TGFBRAP1: variants seen among roughly 807,000 people sequenced by gnomAD.
TGFBRAP1 encodes the protein transforming growth factor beta receptor associated protein 1.
In TGFBRAP1, 20 loss-of-function variants were observed where a neutral mutation model predicts 83.2. The observed-to-expected ratio is 0.24, with a 90% CI of 0.17 to 0.35. The LOEUF is 0.35. Among genes scored for constraint, TGFBRAP1 ranks in the 10% least tolerant of loss-of-function variants. TGFBRAP1 has a pLI of 1.00. For missense variants in TGFBRAP1, 950 were observed against 1,099.4 expected, an observed-to-expected ratio of 0.86 and a Z score of 1.92; for synonymous variants, 415 against 459.8, an observed-to-expected ratio of 0.90 and a Z score of 1.25.
At chr2:105,314,249 CTTTT>C (rs1198445714) in intron 1 of TGFBRAP1, among the ~76,000 whole-genome samples, 3 of 118,638 alleles carry the variant, frequency 2.5e-5, no homozygotes, top group Non-Finnish European at 5.0e-5. Flanking sequence ...AGTACTTTCT[CTTTT>C]TTTTTTTTTT....
At chr2:105,296,573 G>A (rs1043471845) in intron 3 of TGFBRAP1, 63 bp from the exon 4 acceptor site, 3 of 1,555,022 alleles carry the variant, frequency 1.9e-6, no homozygotes, top group Non-Finnish European at 2.6e-6. Context: ...AAAACACACT[G>A]CTTTCCCCAA....
chr2:105,297,982 C>A (rs1678139865), intron 3 of TGFBRAP1, among the ~76,000 whole-genome samples: 1 of 152,182 alleles, frequency 6.6e-6, no homozygotes, highest in Non-Finnish European at 1.5e-5. Flanking sequence ...GCTCACCATA[C>A]ACACGAAATG....
In TGFBRAP1 at chr2:105,307,570, G is replaced by A. The variant is rs13386654; in HGVS notation, c.688+44C>T. 7.1e-3 allele frequency: 11,008 copies of A among 1,552,664 alleles called. 499 individuals are homozygous for A. In the African/African-American group the frequency reaches 0.1, roughly 14 times the overall value. The stretch of plus-strand genomic sequence containing the variant: ...TCTCCAGTTTCAACACGCAGTCACC[G>A]AGGCCACCCAAAAAGATCAGGCGCA... On this transcript the variant is annotated intron_variant, in intron 2 of 11. Transcript: ENST00000393359.
At chr2:105,288,133 G>C (rs1677777887) in intron 4 of TGFBRAP1, among the ~76,000 whole-genome samples, 1 of 152,214 alleles carries the variant, frequency 6.6e-6, no homozygotes, top group South Asian at 2.1e-4. Context: ...GCTCAGACTA[G>C]AATATTTTTC....
At chr2:105,317,012 A>G (rs535638274) in intron 1 of TGFBRAP1, among the ~76,000 whole-genome samples, 1 of 152,240 alleles carries the variant, frequency 6.6e-6, no homozygotes, top group Admixed American at 6.5e-5. Flanking sequence ...TGGAAACTTG[A>G]AACCTGACTA....
At position 105,307,692 on chromosome 2, in the gene TGFBRAP1, A is replaced by C. The variant is rs751044206; in HGVS notation, c.610T>G (p.Tyr204Asp). 6.2e-7 allele frequency: 1 copy of C among 1,614,122 alleles called. No homozygotes were observed. Among genetic ancestry groups the C allele is most frequent in the Non-Finnish European group, 8.5e-7 (1 of 1,180,020 alleles). ...ATCGGCGGCCTCTCCTCACTGCAGTAGGGAAACAGGTCCTGGGAGACGCCT... is the reference window on the plus strand; with the variant it reads ...ATCGGCGGCCTCTCCTCACTGCAGTCGGGAAACAGGTCCTGGGAGACGCCT... ...STGVSQDLFP[Y>D]CSEERPPIVK... Residue 204 changes from tyrosine to aspartate, a missense_variant, in exon 2 of 12, where the codon TAC becomes GAC. By Grantham distance (160) the Tyr-to-Asp change is radical (BLOSUM62 -3). Coordinates refer to ENST00000393359, the MANE Select transcript of TGFBRAP1 (RefSeq NM_004257.6).
At chr2:105,300,612 T>C (rs1220852297) in intron 2 of TGFBRAP1, among the ~76,000 whole-genome samples, 2 of 151,892 alleles carry the variant, frequency 1.3e-5, no homozygotes, top group Admixed American at 1.3e-4. Flanking sequence ...AATTTTTGTA[T>C]TGTTAGTAGA....
chr2:105,290,653 G>GTGTA (rs1553404088), intron 4 of TGFBRAP1, among the ~76,000 whole-genome samples: 23 of 151,348 alleles, frequency 1.5e-4, no homozygotes, highest in African/African-American at 5.4e-4. Flanking sequence ...GTGTGTGTGT[G>GTGTA]TGTGTGAATT....
At chr2:105,322,768 A>G (rs1396400674) in intron 1 of TGFBRAP1, among the ~76,000 whole-genome samples, 2 of 152,206 alleles carry the variant, frequency 1.3e-5, no homozygotes, top group Non-Finnish European at 2.9e-5. Flanking sequence ...TGTTCATATG[A>G]TGACAAAATT....
intron 4 of TGFBRAP1, among the ~76,000 whole-genome samples, chr2:105,289,566 T>C (rs1353579182): frequency 6.6e-6 from 1 of 152,216 alleles, no homozygotes; most frequent in Non-Finnish European, 1.5e-5. Flanking sequence ...TAGCATGTTA[T>C]GCAGGCTCAC....
At chr2:105,276,623 G>A (rs186918064) in intron 7 of TGFBRAP1, among the ~76,000 whole-genome samples, 1 of 152,228 alleles carries the variant, frequency 6.6e-6, no homozygotes, top group East Asian at 1.9e-4. Context: ...CTTCAAGTTT[G>A]CAAATCTATC....
chr2:105,281,840 G>A (rs187400855), intron 5 of TGFBRAP1, among the ~76,000 whole-genome samples: 1 of 152,094 alleles, frequency 6.6e-6, no homozygotes, highest in Non-Finnish European at 1.5e-5. Flanking sequence ...TGGGGAACAT[G>A]TGGCAATGCC....
intron 2 of TGFBRAP1, among the ~76,000 whole-genome samples, chr2:105,302,673 A>G (rs1678340508): frequency 6.6e-6 from 1 of 152,226 alleles, no homozygotes; most frequent in Non-Finnish European, 1.5e-5. Flanking sequence ...GGAGAGGGAG[A>G]CTTGGTAAAA....
At chr2:105,307,235 C>T (rs1678531230) in intron 2 of TGFBRAP1, among the ~76,000 whole-genome samples, 2 of 152,184 alleles carry the variant, frequency 1.3e-5, no homozygotes, top group African/African-American at 4.8e-5. Context: ...CGTACTGTCT[C>T]TCTCCATATA....
At position 105,296,391 on chromosome 2, in the gene TGFBRAP1, C is replaced by A. The variant is rs760550026; in HGVS notation, c.1003G>T (p.Gly335Ter). ...TCCTTTGGAATGTTCCTCCGGGCTCCTTTTGCTAAAACCAAAGCCTCTTCT... is the reference window on the plus strand; with the variant it reads ...TCCTTTGGAATGTTCCTCCGGGCTCATTTTGCTAAAACCAAAGCCTCTTCT... Reference protein sequence around the residue: ...RVEEALVLAKGARRNIPKEKF... With the variant: ...RVEEALVLAK The change falls in exon 4 of 12, where the codon GGA becomes TGA. Residue 335 changes from glycine to a stop codon, truncating the protein, a stop_gained. Transcript: ENST00000393359. LOFTEE classifies it high-confidence loss of function. The A allele has an allele frequency of 6.2e-7, 1 of 1,613,942 alleles. No homozygotes were observed.
chr2:105,329,596 C>T lies in TGFBRAP1; in HGVS notation c.-18+29G>A, dbSNP rs867818455. The T allele has an allele frequency of 1.7e-3, 257 of 148,560 alleles. 2 individuals are homozygous for T. In the South Asian group the frequency reaches 0.019, roughly 11 times the overall value. 9.2% of individuals were successfully genotyped at this position (148,560 alleles called of 1,614,324 possible). On this transcript the variant is annotated intron_variant, in intron 1 of 11. Transcript: ENST00000393359. ...CGCGCCCCGCGCCCTGAGCCCCGCA[C>T]CCCGCGCCCCGCCGCCCTCCTCACT...
chr2:105,326,214 TATGGTGTGTGTATACATACATATGCATA>T, intron 1 of TGFBRAP1, among the ~76,000 whole-genome samples: 1 of 152,298 alleles, frequency 6.6e-6, no homozygotes. Flanking sequence ...ACATACTATA[TATGGTGTGTGTATACATACATATGCATA>T]AGGGTGTATG....
intron 1 of TGFBRAP1, among the ~76,000 whole-genome samples, chr2:105,318,551 C>T (rs773883497): frequency 6.6e-6 from 1 of 152,170 alleles, no homozygotes; most frequent in African/African-American, 2.4e-5. Context: ...GTTTAATAAA[C>T]CTGGTAGAAT....
chr2:105,307,884 T>G lies in TGFBRAP1; in HGVS notation c.418A>C (p.Ile140Leu), dbSNP rs769596022. ...ATGGTTCTGCGTTTGACAGAGATGATGCAAACTTCTACACAGAAGGGGTCC... is the reference window on the plus strand; with the variant it reads ...ATGGTTCTGCGTTTGACAGAGATGAGGCAAACTTCTACACAGAAGGGGTCC... The part of the protein sequence containing the change: ...SGDPFCVEVC[I>L]ISVKRRTIQM... The change falls in exon 2 of 12, where the codon ATC becomes CTC. Residue 140 changes from isoleucine to leucine, a missense_variant. Transcript: ENST00000393359. 8 of 1,614,034 alleles carry G rather than the reference T, an allele frequency of 5.0e-6. No homozygotes were observed. The highest frequency in any genetic ancestry group is 6.8e-6 in the Non-Finnish European group (8 of 1,180,036).
Sources: allele counts gnomAD v4.1 joint callset (sites outside exome capture counted in the v4.1 genomes callset), GRCh38; gene constraint gnomAD v4.1.1; transcripts MANE v1.5; gene names NCBI Gene and HGNC (gene_info 2026-07-23, HGNC 2026-07-21).